Variants in ATP11C observed in about 807,000 individuals in gnomAD.
ATP11C encodes the protein phospholipid-transporting ATPase IG.
Under a neutral mutation model 97.4 loss-of-function variants are expected in ATP11C, and 36 were observed. That is an observed-to-expected ratio of 0.37 (90% CI 0.28 to 0.49). The LOEUF is 0.49. ATP11C is among the 20% of genes least tolerant of loss of function. The probability of loss-of-function intolerance (pLI) is 0.98; values close to 1 mark genes in which losing one functional copy is unlikely to be tolerated. For missense variants in ATP11C, 730 were observed against 824.6 expected (o/e 0.89, Z 1.40); for synonymous variants, 275 against 290.9 (o/e 0.95, Z 0.56).
chrX:139,842,887 T>C (rs768657986), intron 1 of ATP11C, among the ~76,000 whole-genome samples: 2 of 112,084 alleles, frequency 1.8e-5, no homozygotes, highest in Admixed American at 1.9e-4. Context: ...TAACAAACCT[T>C]ACTTTCCCTT....
rs200450498 is a variant in ATP11C, at chrX:139,742,876, A to T, written c.3030+683T>A. Among the ~76,000 whole-genome samples the T allele has an allele frequency of 5.5e-3, 144 of 26,159 alleles. 2 individuals are homozygous for T. The highest frequency in any genetic ancestry group is 0.024 in the African/African-American group (137 of 5,639). 22.7% of individuals were successfully genotyped at this position (26,159 alleles called of 115,157 possible). On this transcript the variant is annotated intron_variant, in intron 26 of 29. Transcript: ENST00000682941. ...TTTATTTTTAAATTAAAAAAAAAAA[A>T]ATATATATATATATATATATATATA... is the stretch of plus-strand genomic sequence containing the variant.
chrX:139,921,091 G>T (rs1031175285), intron 1 of ATP11C, among the ~76,000 whole-genome samples: 3 of 111,513 alleles, frequency 2.7e-5, no homozygotes, highest in Non-Finnish European at 3.8e-5. Flanking sequence ...ACTGGAGGAG[G>T]AACAAATATG....
intron 1 of ATP11C, among the ~76,000 whole-genome samples, chrX:139,905,232 A>G (rs2084956370): frequency 8.9e-6 from 1 of 112,450 alleles, no homozygotes; most frequent in African/African-American, 3.2e-5. Flanking sequence ...GCCTGGGAAA[A>G]GACGGGGCTT....
At chrX:139,923,804 A>T (rs2085304270) in intron 1 of ATP11C, among the ~76,000 whole-genome samples, 1 of 111,551 alleles carries the variant, frequency 9.0e-6, no homozygotes, top group African/African-American at 3.3e-5. Flanking sequence ...CAATCATAAC[A>T]AATTTGTTAA....
intron 1 of ATP11C, among the ~76,000 whole-genome samples, chrX:139,878,127 C>T (rs186331156): frequency 7.0e-4 from 78 of 112,224 alleles, no homozygotes; most frequent in African/African-American, 2.3e-3. Context: ...CCTTTCTTAG[C>T]GTTATAACTT....
At chrX:139,922,857 T>C (rs1021396086) in intron 1 of ATP11C, among the ~76,000 whole-genome samples, 2 of 111,805 alleles carry the variant, frequency 1.8e-5, no homozygotes, top group African/African-American at 6.5e-5. Flanking sequence ...GTGCCATCTC[T>C]GCTCACTGCA....
chrX:139,812,161 C>T (rs1481109839), intron 5 of ATP11C, among the ~76,000 whole-genome samples: 2 of 111,689 alleles, frequency 1.8e-5, no homozygotes, highest in African/African-American at 6.5e-5. Context: ...CTCTTTCCCC[C>T]GACTCCCCAG....
chrX:139,887,469 A>AC (rs1194213375), intron 1 of ATP11C, among the ~76,000 whole-genome samples: 1 of 110,528 alleles, frequency 9.0e-6, no homozygotes, highest in Admixed American at 9.7e-5. Context: ...TACAAAAAAA[A>AC]CCACAAAAAT....
chrX:139,750,945 T>C (rs2081800592), intron 23 of ATP11C, among the ~76,000 whole-genome samples: 1 of 112,412 alleles, frequency 8.9e-6, no homozygotes, highest in African/African-American at 3.2e-5. Flanking sequence ...AGTATTTATC[T>C]ACACAGTGCT....
At chrX:139,931,926 GC>G in intron 1 of ATP11C, 89 bp downstream of exon 1, 1 of 1,013,546 alleles carries the variant, frequency 9.9e-7, no homozygotes, top group East Asian at 3.7e-5. Flanking sequence ...AGACGTAACT[GC>G]CCCCTCAGAA....
chrX:139,755,131 C>T (rs763922850), intron 23 of ATP11C, among the ~76,000 whole-genome samples: 28 of 111,926 alleles, frequency 2.5e-4, no homozygotes, highest in Non-Finnish European at 3.8e-4. Flanking sequence ...ATAACTTCAG[C>T]GAAGTTTCAG....
chrX:139,736,175 G>GAA (rs75820507), intron 28 of ATP11C, among the ~76,000 whole-genome samples: 5 of 105,527 alleles, frequency 4.7e-5, no homozygotes, highest in Non-Finnish European at 9.8e-5. Flanking sequence ...CTGTTCGTGT[G>GAA]AAAAAAAAAA....
intron 1 of ATP11C, chrX:139,885,399 A>C (rs970375388): frequency 9.0e-6 from 1 of 111,239 alleles, no homozygotes; most frequent in Non-Finnish European, 1.9e-5. Flanking sequence ...TGCCTAGTAC[A>C]TACTATTTTT....
chrX:139,856,948 C>CA (rs745670220), intron 1 of ATP11C, among the ~76,000 whole-genome samples: 290 of 111,917 alleles, frequency 2.6e-3, no homozygotes, highest in Non-Finnish European at 3.3e-3. Context: ...CCAAACACCA[C>CA]CACCCCTAAT....
intron 19 of ATP11C, among the ~76,000 whole-genome samples, chrX:139,771,398 T>C (rs1296187410): frequency 9.0e-6 from 1 of 111,536 alleles, no homozygotes; most frequent in African/African-American, 3.3e-5. Flanking sequence ...GAAAACGGAC[T>C]AATACAGTAA....
chrX:139,760,692 G>A (rs183364971), intron 22 of ATP11C, among the ~76,000 whole-genome samples: 5 of 111,375 alleles, frequency 4.5e-5, no homozygotes, highest in Admixed American at 1.9e-4. Flanking sequence ...TAACGTATAC[G>A]CTAATGCTTG....
At chrX:139,810,253 C>T (rs1344459135) in intron 5 of ATP11C, among the ~76,000 whole-genome samples, 6 of 110,783 alleles carry the variant, frequency 5.4e-5, no homozygotes, top group Non-Finnish European at 9.5e-5. Flanking sequence ...CTGCGGAGTT[C>T]GACACCAGCC....
At chrX:139,907,175 T>G (rs2084993657) in intron 1 of ATP11C, among the ~76,000 whole-genome samples, 1 of 111,685 alleles carries the variant, frequency 9.0e-6, no homozygotes, top group South Asian at 3.8e-4. Flanking sequence ...CCCTGTCCAC[T>G]GGATTGTCCT....
chrX:139,882,769 T>G (rs1033587175), intron 1 of ATP11C, among the ~76,000 whole-genome samples: 1 of 111,539 alleles, frequency 9.0e-6, no homozygotes, highest in African/African-American at 3.3e-5. Context: ...TTTAATCCTG[T>G]GTGTCTGTTT....
Sources: gnomAD v4.1 joint callset for allele counts (sites outside exome capture counted in the v4.1 genomes callset) on GRCh38, gnomAD v4.1.1 for gene constraint, MANE v1.5 for transcripts, NCBI Gene and HGNC (gene_info 2026-07-23, HGNC 2026-07-21) for gene names.